Variants in AP2B1 observed in about 807,000 individuals in gnomAD.
AP2B1 encodes adaptor related protein complex 2 subunit beta 1, also known as AP-2 complex subunit beta.
AP2B1 carries 23 observed loss-of-function variants against 102.0 expected under a neutral mutation model. The observed-to-expected ratio is 0.23, with a 90% CI of 0.16 to 0.32. The LOEUF (loss-of-function observed/expected upper bound fraction) is 0.32, where lower values mean the gene tolerates loss of function less well. Ranked by LOEUF, AP2B1 falls within the 10% of genes least tolerant of loss-of-function variation. The pLI is 1.00. For missense variants in AP2B1, 541 were observed against 1,157.4 expected (o/e 0.47, Z 7.73); for synonymous variants, 381 against 421.2 (o/e 0.90, Z 1.17).
intron 20 of AP2B1, among the ~76,000 whole-genome samples, chr17:35,714,247 TG>T (rs1303866036): frequency 6.6e-6 from 1 of 152,164 alleles, no homozygotes; most frequent in Non-Finnish European, 1.5e-5. Flanking sequence ...ATTTCAAAAA[TG>T]GAAACACTCT....
At chr17:35,666,272 A>G (rs186615004) in intron 14 of AP2B1, among the ~76,000 whole-genome samples, 8 of 149,068 alleles carry the variant, frequency 5.4e-5, no homozygotes, top group Admixed American at 4.0e-4. Flanking sequence ...TTATTGTGCA[A>G]TGACACATTA....
chr17:35,697,913 T>C (rs2076171308), intron 18 of AP2B1, among the ~76,000 whole-genome samples: 1 of 151,904 alleles, frequency 6.6e-6, no homozygotes, highest in East Asian at 1.9e-4. Flanking sequence ...TGAGCTGAGA[T>C]CCCACCACTG....
chr17:35,643,265 C>T (rs2074835479), intron 12 of AP2B1, among the ~76,000 whole-genome samples: 1 of 151,948 alleles, frequency 6.6e-6, no homozygotes. Context: ...TCAGGTTGGA[C>T]AAGCTTGCTG....
chr17:35,705,822 G>A (rs1015784820), intron 18 of AP2B1, among the ~76,000 whole-genome samples: 6 of 152,090 alleles, frequency 3.9e-5, no homozygotes, highest in Non-Finnish European at 2.9e-5. Flanking sequence ...GATTACAGGC[G>A]TGAGCCACTG....
chr17:35,593,609 C>G (rs1282219179), intron 1 of AP2B1, among the ~76,000 whole-genome samples: 1 of 152,088 alleles, frequency 6.6e-6, no homozygotes, highest in Non-Finnish European at 1.5e-5. Flanking sequence ...TGACCTTACA[C>G]TGCTTCAGAA....
In AP2B1 at chr17:35,618,100, A is replaced by G. The variant is rs115982414; in HGVS notation, c.526-6297A>G. 8.5e-3 allele frequency among the ~76,000 whole-genome samples: 1,293 copies of G among 152,308 alleles called. 11 individuals are homozygous for G. The highest frequency in any genetic ancestry group is 0.026 in the African/African-American group (1,070 of 41,554). ...AAAAAATGGAATATTCTAGATTGTAATGTAGCAGGCATATTAACAGTTGGC... is the reference window on the plus strand; with the variant it reads ...AAAAAATGGAATATTCTAGATTGTAGTGTAGCAGGCATATTAACAGTTGGC... On this transcript the variant is annotated intron_variant, in intron 5 of 21. Coordinates refer to ENST00000610402, the MANE Select transcript of AP2B1 (RefSeq NM_001030006.2).
chr17:35,636,856 A>G (rs749397941), intron 10 of AP2B1, among the ~76,000 whole-genome samples: 1 of 152,190 alleles, frequency 6.6e-6, no homozygotes, highest in Non-Finnish European at 1.5e-5. Flanking sequence ...TGGATGATAT[A>G]TCGTATAGCA....
chr17:35,627,614 C>T lies in AP2B1; in HGVS notation c.1060-17C>T, dbSNP rs1248201267. On this transcript the variant is annotated splice_polypyrimidine_tract_variant and intron_variant, in intron 8 of 21. Coordinates refer to ENST00000610402, the MANE Select transcript of AP2B1 (RefSeq NM_001030006.2). The stretch of plus-strand genomic sequence containing the variant: ...TTTGAGAATCCTTAATGATTAACCA[C>T]TTCCTGGGTTTAACAGGTTCTGGCA... The T allele has an allele frequency of 6.2e-7, 1 of 1,613,602 alleles. No individual in the cohort carries two copies. Among genetic ancestry groups the T allele is most frequent in the East Asian group, 2.2e-5 (1 of 44,870 alleles).
intron 13 of AP2B1, 89 bp downstream of exon 13, chr17:35,650,878 A>C: frequency 1.4e-6 from 2 of 1,453,246 alleles, no homozygotes; most frequent in Non-Finnish European, 1.9e-6. Context: ...CTGGAAAAGA[A>C]CTGCTGTACA....
intron 12 of AP2B1, among the ~76,000 whole-genome samples, chr17:35,642,506 G>A (rs1036172966): frequency 1.3e-5 from 2 of 152,126 alleles, no homozygotes; most frequent in African/African-American, 4.8e-5. Flanking sequence ...TCAGGAAAGT[G>A]GCAGCTGGCT....
At chr17:35,588,929 A>G (rs1218231156) in intron 1 of AP2B1, among the ~76,000 whole-genome samples, 1 of 152,212 alleles carries the variant, frequency 6.6e-6, no homozygotes, top group Non-Finnish European at 1.5e-5. Flanking sequence ...ATTTTGAAAT[A>G]CTAACTTTTT....
intron 5 of AP2B1, among the ~76,000 whole-genome samples, chr17:35,612,809 C>T (rs912653303): frequency 6.6e-6 from 1 of 151,836 alleles, no homozygotes; most frequent in Admixed American, 6.6e-5. Flanking sequence ...TGGTGGCTCA[C>T]GCCTGTCATC....
intron 18 of AP2B1, among the ~76,000 whole-genome samples, 169 bp downstream of exon 18, chr17:35,682,993 T>G (rs587641592): frequency 6.6e-6 from 1 of 152,196 alleles, no homozygotes; most frequent in East Asian, 1.9e-4. Flanking sequence ...TGCTCCTGCC[T>G]CAGCCTCCCA....
In AP2B1 at chr17:35,717,206, A is replaced by G; in HGVS notation, c.2638A>G (p.Ser880Gly). ...ATCTGTATTTCTAGACACTGTTTCC[A>G]GCAAGTTGCAAAACAACAATGTTTA... ...ECHLNADTVS[S>G]KLQNNNVYTI... The change falls in exon 21 of 22, where the codon AGC (serine) becomes GGC (glycine). Residue 880 changes from serine to glycine, a missense_variant. Coordinates refer to ENST00000610402, the MANE Select transcript of AP2B1 (RefSeq NM_001030006.2). The G allele has an allele frequency of 6.2e-7, 1 of 1,613,898 alleles. No individual in the cohort carries two copies. The highest frequency in any genetic ancestry group is 1.1e-5 in the South Asian group (1 of 91,042).
intron 5 of AP2B1, among the ~76,000 whole-genome samples, chr17:35,623,680 A>T (rs1183547088): frequency 6.6e-6 from 1 of 152,244 alleles, no homozygotes; most frequent in East Asian, 1.9e-4. Flanking sequence ...ACCCAGTTTC[A>T]AAGGTGTTAA....
intron 5 of AP2B1, among the ~76,000 whole-genome samples, chr17:35,622,726 G>A (rs1220338853): frequency 3.3e-5 from 5 of 152,080 alleles, no homozygotes; most frequent in African/African-American, 1.2e-4. Context: ...GTGCAGTGGC[G>A]TGATCTTGGC....
At chr17:35,647,642 G>A (rs145690967) in intron 12 of AP2B1, among the ~76,000 whole-genome samples, 12 of 151,874 alleles carry the variant, frequency 7.9e-5, no homozygotes, top group East Asian at 1.9e-4. Flanking sequence ...TATGCTTTTC[G>A]TCTTTAACCA....
chr17:35,645,025 C>G (rs1000286224), intron 12 of AP2B1, among the ~76,000 whole-genome samples: 7 of 150,852 alleles, frequency 4.6e-5, no homozygotes, highest in Admixed American at 1.3e-4. Flanking sequence ...CAGCAAGACT[C>G]TGTCTCGGAA....
In AP2B1 at chr17:35,716,609, GAA is replaced by G. The variant is rs34785813; in HGVS notation, c.2627-575_2627-574del. 6.5e-3 allele frequency among the ~76,000 whole-genome samples: 971 copies of G among 148,682 alleles called. 9 individuals carry two copies. Among genetic ancestry groups the G allele is most frequent in the African/African-American group, 0.023 (924 of 40,692 alleles). ...TTAAGAAATCATTTCTGCCTGCTTT[GAA>G]AAAAAAAAAATCTTAAACATCTAGG... On this transcript the variant is annotated intron_variant, in intron 20 of 21. Transcript: ENST00000610402.
Sources: gnomAD v4.1 joint callset for allele counts (sites outside exome capture counted in the v4.1 genomes callset) on GRCh38, gnomAD v4.1.1 for gene constraint, MANE v1.5 for transcripts, NCBI Gene and HGNC (gene_info 2026-07-23, HGNC 2026-07-21) for gene names.